Variants in PREP observed in about 807,000 individuals in gnomAD.
The protein encoded by PREP is prolyl endopeptidase.
In PREP, 29 loss-of-function variants were observed where a neutral mutation model predicts 87.6. That is an observed-to-expected ratio of 0.33 (90% CI 0.25 to 0.45). The LOEUF is 0.45. PREP is among the 20% of genes least tolerant of loss of function. PREP has a pLI of 1.00. For missense variants in PREP, 695 were observed against 886.5 expected, an observed-to-expected ratio of 0.78 and a Z score of 2.74; for synonymous variants, 337 against 328.6, an observed-to-expected ratio of 1.03 and a Z score of -0.28.
chr6:105,322,840 T>C (rs983098568), intron 10 of PREP: 5 of 1,153,638 alleles, frequency 4.3e-6, no homozygotes, highest in South Asian at 1.9e-5. Context: ...TTCTAGACAA[T>C]TGAAGGGTAA....
intron 8 of PREP, 143 bp from the exon 9 acceptor site, chr6:105,329,169 T>C (rs907778063): frequency 5.3e-6 from 4 of 758,744 alleles, no homozygotes; most frequent in Non-Finnish European, 8.4e-6. Flanking sequence ...TTTTTTTTTT[T>C]TGAGACAGGG....
At chr6:105,317,726 A>G (rs545168646) in intron 10 of PREP, among the ~76,000 whole-genome samples, 7 of 152,276 alleles carry the variant, frequency 4.6e-5, no homozygotes, top group African/African-American at 1.7e-4. Context: ...ATGCTGACTT[A>G]GCAGAGAATC....
intron 6 of PREP, among the ~76,000 whole-genome samples, chr6:105,362,895 C>A (rs1046337736): frequency 9.2e-5 from 14 of 152,276 alleles, no homozygotes; most frequent in African/African-American, 3.4e-4. Context: ...ACCAGGAACA[C>A]CACTGGACTT....
At chr6:105,320,604 C>A (rs147673933) in intron 10 of PREP, among the ~76,000 whole-genome samples, 5 of 152,282 alleles carry the variant, frequency 3.3e-5, no homozygotes, top group African/African-American at 1.2e-4. Context: ...GGTTCTTGGT[C>A]ATAGTGTTGA....
rs555385809 is a variant in PREP at position 105,356,996 on chromosome 6, C to T, written c.718-3919G>A. ...AACCTTTTATTTATCTTGCTTTCCC[C>T]GGTGTCTTTCCTCTTTGTATTATAT... On this transcript the variant is annotated intron_variant, in intron 6 of 14. Transcript: ENST00000652536. 8.5e-5 allele frequency among the ~76,000 whole-genome samples: 13 copies of T among 152,244 alleles called. No individual in the cohort carries two copies. In the South Asian group the frequency reaches 1.7e-3, roughly 19 times the overall value.
intron 10 of PREP, among the ~76,000 whole-genome samples, chr6:105,295,982 A>C (rs1477348809): frequency 1.3e-5 from 2 of 152,186 alleles, no homozygotes; most frequent in Non-Finnish European, 2.9e-5. Context: ...TCGTGGTATG[A>C]TTTATGTATG....
chr6:105,384,267 T>C (rs1311179733), intron 2 of PREP, among the ~76,000 whole-genome samples: 2 of 152,150 alleles, frequency 1.3e-5, no homozygotes, highest in Non-Finnish European at 2.9e-5. Context: ...CTTCCAGTCC[T>C]GCACTACTGA....
intron 11 of PREP, among the ~76,000 whole-genome samples, chr6:105,288,330 T>G (rs563359187): frequency 6.6e-6 from 1 of 152,212 alleles, no homozygotes; most frequent in Non-Finnish European, 1.5e-5. Flanking sequence ...TGCCCGTCTA[T>G]GAAAACAAGC....
intron 10 of PREP, among the ~76,000 whole-genome samples, chr6:105,309,592 TTTTTA>T (rs1770719626): frequency 6.6e-6 from 1 of 152,198 alleles, no homozygotes. Flanking sequence ...CTTTTTTCTT[TTTTTA>T]TTTTTTAGTT....
chr6:105,378,582 G>A (rs1772755311), intron 2 of PREP, among the ~76,000 whole-genome samples: 1 of 152,166 alleles, frequency 6.6e-6, no homozygotes. Context: ...GCAGGAAAAG[G>A]GGCTTTTACA....
rs1583030777 is a variant in PREP, at chr6:105,277,814, A to G, written c.*330T>C. On this transcript the variant is annotated 3_prime_UTR_variant, in exon 15 of 15. Coordinates refer to ENST00000652536, the MANE Select transcript of PREP (RefSeq NM_002726.5). ...AAAGATATAGAGGTTATGGATATAGATAAGTATGCCCGACTATGATCCTTA... is the reference window on the plus strand; with the variant it reads ...AAAGATATAGAGGTTATGGATATAGGTAAGTATGCCCGACTATGATCCTTA... 6.2e-6 allele frequency: 2 copies of G among 320,288 alleles called. No homozygotes were observed. Among genetic ancestry groups the G allele is most frequent in the East Asian group, 6.7e-5 (1 of 14,954 alleles). 19.8% of individuals were successfully genotyped at this position (320,288 alleles called of 1,614,324 possible).
chr6:105,291,731 G>A (rs954737383), intron 10 of PREP, among the ~76,000 whole-genome samples: 3 of 152,166 alleles, frequency 2.0e-5, no homozygotes, highest in Non-Finnish European at 4.4e-5. Flanking sequence ...GTCCTTCTAA[G>A]AGAACTCTGA....
At chr6:105,370,596 C>G (rs970235062) in intron 5 of PREP, among the ~76,000 whole-genome samples, 9 of 152,222 alleles carry the variant, frequency 5.9e-5, no homozygotes, top group African/African-American at 2.2e-4. Context: ...AAGTTTTATT[C>G]ATAAGTGCTA....
intron 7 of PREP, among the ~76,000 whole-genome samples, chr6:105,351,801 A>T (rs1031704547): frequency 6.6e-5 from 10 of 152,216 alleles, no homozygotes; most frequent in Admixed American, 6.5e-4. Flanking sequence ...CCTGACAGAG[A>T]ATGCAAACAC....
Position 105,274,780 on chromosome 6 carries a change from G to A in PREP, c.*3364C>T, listed in dbSNP as rs1395668824. Among the ~76,000 whole-genome samples, 2 of 152,112 alleles carry A rather than the reference G, an allele frequency of 1.3e-5. No homozygotes were observed. The highest frequency in any genetic ancestry group is 2.4e-5 in the African/African-American group (1 of 41,436). On this transcript the variant is annotated 3_prime_UTR_variant, in exon 15 of 15. Coordinates refer to ENST00000652536, the MANE Select transcript of PREP (RefSeq NM_002726.5). ...CAAAACTCCATCCCAAAAAAAGAGT[G>A]CAGTATCCAAGGCCCAGCTCCTGGG... is the stretch of plus-strand genomic sequence containing the variant.
At chr6:105,294,208 T>A (rs1221392137) in intron 10 of PREP, among the ~76,000 whole-genome samples, 1 of 152,170 alleles carries the variant, frequency 6.6e-6, no homozygotes, top group Non-Finnish European at 1.5e-5. Flanking sequence ...CCAGGCTTTA[T>A]CCCCAGAGAT....
intron 2 of PREP, among the ~76,000 whole-genome samples, chr6:105,382,230 A>G (rs944848465): frequency 2.6e-5 from 4 of 151,354 alleles, no homozygotes; most frequent in African/African-American, 9.7e-5. Context: ...ACAACATGGT[A>G]ACTGCCTGAA....
At chr6:105,324,309 G>A (rs1292366588) in intron 9 of PREP, among the ~76,000 whole-genome samples, 6 of 152,084 alleles carry the variant, frequency 3.9e-5, no homozygotes, top group African/African-American at 1.4e-4. Context: ...CAGCAATCAC[G>A]GACCAAAGAT....
intron 6 of PREP, among the ~76,000 whole-genome samples, chr6:105,366,015 G>T (rs563460668): frequency 3.9e-5 from 6 of 152,242 alleles, no homozygotes; most frequent in African/African-American, 1.4e-4. Flanking sequence ...AGCACTTTGG[G>T]AGGCTGAGGC....
Sources: allele counts gnomAD v4.1 joint callset (sites outside exome capture counted in the v4.1 genomes callset), GRCh38; gene constraint gnomAD v4.1.1; transcripts MANE v1.5; gene names NCBI Gene and HGNC (gene_info 2026-07-23, HGNC 2026-07-21).